NKAIN2: variants seen among roughly 807,000 people sequenced by gnomAD.
NKAIN2 encodes the protein sodium/potassium-transporting ATPase subunit beta-1-interacting protein 2.
In NKAIN2, 14 loss-of-function variants were observed where a neutral mutation model predicts 32.6. The observed-to-expected ratio is 0.43, with a 90% CI of 0.28 to 0.67. The LOEUF (loss-of-function observed/expected upper bound fraction) is 0.67, where lower values mean the gene tolerates loss of function less well. Among genes scored for constraint, NKAIN2 ranks in the 30% least tolerant of loss-of-function variants. NKAIN2 has a pLI of 0.17. For missense variants in NKAIN2, 198 were observed against 258.3 expected, an observed-to-expected ratio of 0.77 and a Z score of 1.60; for synonymous variants, 80 against 87.2, an observed-to-expected ratio of 0.92 and a Z score of 0.46.
intron 5 of NKAIN2, among the ~76,000 whole-genome samples, chr6:124,815,235 T>TATATATACAC (rs1392996746): frequency 6.9e-6 from 1 of 144,472 alleles, no homozygotes; most frequent in Non-Finnish European, 1.5e-5. Flanking sequence ...CATATATATA[T>TATATATACAC]ATATATGTAT....
chr6:124,759,055 C>T (rs1583808910), intron 4 of NKAIN2, among the ~76,000 whole-genome samples: 1 of 152,052 alleles, frequency 6.6e-6, no homozygotes, highest in African/African-American at 2.4e-5. Context: ...TCATTTTTGC[C>T]ACATGTATTG....
intron 1 of NKAIN2, among the ~76,000 whole-genome samples, chr6:123,949,807 T>C (rs9388291): frequency 0.27 from 41,311 of 151,886 alleles, 7,257 homozygotes; most frequent in East Asian, 0.63. Flanking sequence ...TCTTGCTTGA[T>C]TGCTCCAGCC....
intron 3 of NKAIN2, among the ~76,000 whole-genome samples, chr6:124,482,227 T>C (rs1777482134): frequency 6.6e-6 from 1 of 152,192 alleles, no homozygotes; most frequent in African/African-American, 2.4e-5. Flanking sequence ...TGAGCTACTC[T>C]AACATTCTTT....
chr6:124,805,724 G>A (rs1196068786), intron 5 of NKAIN2, among the ~76,000 whole-genome samples: 1 of 152,136 alleles, frequency 6.6e-6, no homozygotes, highest in Non-Finnish European at 1.5e-5. Context: ...CAAAGGCAAA[G>A]AAGTTAAAAA....
At chr6:124,747,053 T>C (rs748603598) in intron 4 of NKAIN2, among the ~76,000 whole-genome samples, 38 of 152,018 alleles carry the variant, frequency 2.5e-4, no homozygotes, top group Non-Finnish European at 4.0e-4. Context: ...GCCATTATTC[T>C]CTATGAATTA....
chr6:124,475,017 T>A (rs671820), intron 3 of NKAIN2, among the ~76,000 whole-genome samples: 21,381 of 150,818 alleles, frequency 0.14, 1,894 homozygotes, highest in East Asian at 0.25. Flanking sequence ...CATGAGTAGA[T>A]CCAGGGTTCC....
At chr6:124,047,264 G>C (rs570051196) in intron 1 of NKAIN2, among the ~76,000 whole-genome samples, 4 of 152,006 alleles carry the variant, frequency 2.6e-5, no homozygotes, top group African/African-American at 9.6e-5. Flanking sequence ...TCAGATCTTG[G>C]CCCTTTCCTA....
At chr6:124,186,396 T>G (rs1789744870) in intron 1 of NKAIN2, among the ~76,000 whole-genome samples, 1 of 152,016 alleles carries the variant, frequency 6.6e-6, no homozygotes, top group Non-Finnish European at 1.5e-5. Flanking sequence ...GAGCTGTGAT[T>G]ATGTAACTGC....
intron 4 of NKAIN2, among the ~76,000 whole-genome samples, chr6:124,702,621 A>G (rs1481519123): frequency 6.6e-6 from 1 of 152,068 alleles, no homozygotes; most frequent in African/African-American, 2.4e-5. Flanking sequence ...TCCCACTTCC[A>G]TACTCATCAC....
At chr6:124,390,081 G>A (rs894511591) in intron 3 of NKAIN2, among the ~76,000 whole-genome samples, 1 of 152,080 alleles carries the variant, frequency 6.6e-6, no homozygotes, top group Non-Finnish European at 1.5e-5. Context: ...CTCTGAAAAG[G>A]TACAGTGTTC....
chr6:124,798,004 C>T, intron 5 of NKAIN2, among the ~76,000 whole-genome samples: 1 of 151,670 alleles, frequency 6.6e-6, no homozygotes, highest in Admixed American at 6.6e-5. Flanking sequence ...TGCCTTCTTA[C>T]CTTCCTTCCT....
chr6:124,680,022 C>T (rs911565334), intron 4 of NKAIN2, among the ~76,000 whole-genome samples: 23 of 152,214 alleles, frequency 1.5e-4, no homozygotes, highest in South Asian at 8.3e-4. Flanking sequence ...TTATTTATTA[C>T]GATGAGCCAC....
At chr6:124,198,866 C>G (rs906965223) in intron 1 of NKAIN2, among the ~76,000 whole-genome samples, 1 of 152,264 alleles carries the variant, frequency 6.6e-6, no homozygotes, top group Admixed American at 6.5e-5. Context: ...TGCATTATGA[C>G]TATAACTTTC....
chr6:124,092,181 C>T (rs1328277517), intron 1 of NKAIN2, among the ~76,000 whole-genome samples: 1 of 152,040 alleles, frequency 6.6e-6, no homozygotes, highest in East Asian at 1.9e-4. Flanking sequence ...ATCCAATGCA[C>T]TGTCAATCAA....
At chr6:124,390,478 C>A (rs539864822) in intron 3 of NKAIN2, among the ~76,000 whole-genome samples, 57 of 152,208 alleles carry the variant, frequency 3.7e-4, no homozygotes, top group African/African-American at 1.4e-3. Flanking sequence ...CACTATCTGG[C>A]ATGTGTCTTT....
intron 4 of NKAIN2, among the ~76,000 whole-genome samples, chr6:124,688,041 A>G (rs1015924323): frequency 6.6e-6 from 1 of 151,860 alleles, no homozygotes; most frequent in African/African-American, 2.4e-5. Context: ...TCACAGGTCA[A>G]TTTTTTTCTA....
At chr6:124,167,527 A>T (rs911497840) in intron 1 of NKAIN2, among the ~76,000 whole-genome samples, 48 of 152,160 alleles carry the variant, frequency 3.2e-4, no homozygotes, top group Admixed American at 1.2e-3. Flanking sequence ...TCCTGCCTGA[A>T]TGCCCTGGCC....
chr6:124,004,092 T>C (rs758717049), intron 1 of NKAIN2, among the ~76,000 whole-genome samples: 2 of 152,238 alleles, frequency 1.3e-5, no homozygotes, highest in South Asian at 4.1e-4. Context: ...ATTATTTTCT[T>C]AGTCACTAAC....
At position 124,554,271 on chromosome 6, in the gene NKAIN2, C is replaced by T. The variant is rs183539934; in HGVS notation, c.274-103915C>T. Among the ~76,000 whole-genome samples, 723 of 152,324 alleles carry T rather than the reference C, an allele frequency of 4.7e-3. 4 individuals are homozygous for T. The highest frequency in any genetic ancestry group is 0.017 in the African/African-American group (689 of 41,572). On this transcript the variant is annotated intron_variant, in intron 3 of 6. Coordinates refer to ENST00000368417, the MANE Select transcript of NKAIN2 (RefSeq NM_001040214.3). ...AGAATCAATGCTGCTTTAAATCAGA[C>T]ATTTCGTAGAAGACTTGCTACAGTT...
Sources: gnomAD v4.1 joint callset for allele counts (sites outside exome capture counted in the v4.1 genomes callset) on GRCh38, gnomAD v4.1.1 for gene constraint, MANE v1.5 for transcripts, NCBI Gene and HGNC (gene_info 2026-07-23, HGNC 2026-07-21) for gene names.